The following KIAA2012 variants were observed in gnomAD, a reference collection of about 807,000 sequenced individuals.
KIAA2012 encodes the protein KIAA2012, also known as uncharacterized protein KIAA2012.
A neutral mutation model predicts 150.6 loss-of-function variants in KIAA2012; 125 were observed. The observed-to-expected ratio is 0.83, with a 90% CI of 0.72 to 0.96. The LOEUF is 0.96. Ranked by LOEUF, KIAA2012 falls within the 40% of genes least tolerant of loss-of-function variation. The pLI is 0.00. For synonymous variants in KIAA2012, 462 were observed against 504.7 expected (o/e 0.92, Z 1.13); for missense variants, 1,219 against 1,354.9 (o/e 0.90, Z 1.57).
chr2:202,163,895 A>C (rs1289161689), intron 14 of KIAA2012, among the ~76,000 whole-genome samples: 1 of 149,546 alleles, frequency 6.7e-6, no homozygotes, highest in African/African-American at 2.5e-5. Flanking sequence ...TTTTTATGTC[A>C]GTATATATCA....
In KIAA2012 at chr2:202,075,073, A is replaced by C; in HGVS notation, c.267A>C (p.Arg89Ser). 2 of 1,550,540 alleles carry C rather than the reference A, an allele frequency of 1.3e-6. No individual in the cohort carries two copies. The highest frequency in any genetic ancestry group is 1.7e-6 in the Non-Finnish European group (2 of 1,146,986). ...CGGCATGGACACCCAAAGAGAGGAG[A>C]AAAGGCCCCTACTGCCCCAGAGGTC... is the stretch of plus-strand genomic sequence containing the variant. Reference protein sequence around the residue: ...AISAWTPKERRKGPYCPRGPW... With the variant: ...AISAWTPKERSKGPYCPRGPW... Residue 89 changes from arginine (R) to serine (S), a missense_variant, in exon 2 of 24, where the codon AGA (arginine) becomes AGC (serine). Arg to Ser is a moderately radical substitution (Grantham distance 110). Transcript: ENST00000498697.
intron 13 of KIAA2012, among the ~76,000 whole-genome samples, chr2:202,148,039 G>A (rs115386643): frequency 2.4e-4 from 36 of 152,322 alleles, no homozygotes; most frequent in African/African-American, 8.4e-4. Flanking sequence ...CAGATAAACA[G>A]TGATTCTGTT....
Position 202,146,845 on chromosome 2 carries a change from A to G in KIAA2012, c.1909-7828A>G, listed in dbSNP as rs578198753. On this transcript the variant is annotated intron_variant, in intron 13 of 23. Transcript: ENST00000498697. ...AATCCCAACTTCTTCCTTATAGGCT[A>G]TGTGGCTTTAGGCAGGCTATTTAAC... is the stretch of plus-strand genomic sequence containing the variant. Among the ~76,000 whole-genome samples, 4 of 152,262 alleles carry G rather than the reference A, an allele frequency of 2.6e-5. 1 individual carries two copies. Among genetic ancestry groups the G allele is most frequent in the African/African-American group, 9.6e-5 (4 of 41,562 alleles).
intron 8 of KIAA2012, among the ~76,000 whole-genome samples, chr2:202,103,641 TA>T (rs1690108604): frequency 6.6e-6 from 1 of 152,210 alleles, no homozygotes; most frequent in Admixed American, 6.5e-5. Flanking sequence ...AAAAGAAAGA[TA>T]AAAGTTTATC....
intron 14 of KIAA2012, among the ~76,000 whole-genome samples, chr2:202,161,457 A>G (rs1691655381): frequency 6.6e-6 from 1 of 152,178 alleles, no homozygotes; most frequent in Non-Finnish European, 1.5e-5. Context: ...TAACATGTGC[A>G]ATTTTTCTTA....
chr2:202,123,490 G>A (rs1212639063), intron 11 of KIAA2012, among the ~76,000 whole-genome samples: 1 of 151,994 alleles, frequency 6.6e-6, no homozygotes, highest in Non-Finnish European at 1.5e-5. Context: ...CTCCAGTGTT[G>A]ATGCTCAGAA....
intron 21 of KIAA2012, 130 bp downstream of exon 21, chr2:202,194,492 T>A: frequency 1.2e-6 from 1 of 837,434 alleles, no homozygotes; most frequent in Non-Finnish European, 1.7e-6. Context: ...ATATAAACTA[T>A]TTTTCAAAGT....
At chr2:202,095,874 A>G (rs893752153) in intron 4 of KIAA2012, among the ~76,000 whole-genome samples, 3 of 152,182 alleles carry the variant, frequency 2.0e-5, no homozygotes. Flanking sequence ...ACTTGAGGTC[A>G]GGAGTTAGAG....
chr2:202,113,137 C>G (rs529118938), intron 10 of KIAA2012, among the ~76,000 whole-genome samples, 199 bp from the exon 11 acceptor site: 3 of 152,158 alleles, frequency 2.0e-5, no homozygotes, highest in African/African-American at 7.2e-5. Context: ...CCTTGACCCC[C>G]GGAAGGCAGG....
intron 11 of KIAA2012, among the ~76,000 whole-genome samples, chr2:202,119,957 T>C (rs567726650): frequency 1.3e-5 from 2 of 152,320 alleles, no homozygotes; most frequent in Admixed American, 1.3e-4. Flanking sequence ...TGATAGTGAA[T>C]GAGTCTCAAG....
In KIAA2012 at chr2:202,196,816, G is replaced by A. The variant is rs1313566534; in HGVS notation, c.3204G>A (p.Arg1068=). The A allele has an allele frequency of 7.1e-6, 11 of 1,550,428 alleles. No homozygotes were observed. Among genetic ancestry groups the A allele is most frequent in the Non-Finnish European group, 7.8e-6 (9 of 1,146,988 alleles). The stretch of plus-strand genomic sequence containing the variant: ...ATTCTGCAGAGGCAGAGAAGCAAAG[G>A]CAAGAGGAATTGGAAATGCAGTTAG... The part of the protein sequence containing the change: ...EAERAEAEKQ[R]QEELEMQLEE... Residue 1068 remains arginine (R), a synonymous_variant, in exon 22 of 24, where the codon AGG becomes AGA. Coordinates refer to ENST00000498697, the MANE Select transcript of KIAA2012 (RefSeq NM_001277372.4).
At chr2:202,133,435 T>C (rs566112533) in intron 12 of KIAA2012, among the ~76,000 whole-genome samples, 1 of 152,194 alleles carries the variant, frequency 6.6e-6, no homozygotes, top group Non-Finnish European at 1.5e-5. Flanking sequence ...TTGAGAGAGA[T>C]TGGTATTCCC....
intron 12 of KIAA2012, chr2:202,125,944 T>C: frequency 5.6e-5 from 15 of 265,808 alleles, no homozygotes; most frequent in Non-Finnish European, 7.5e-5. Context: ...GCTTTTTTTT[T>C]TTTTTTTTTT....
chr2:202,163,287 A>G (rs1489736115), intron 14 of KIAA2012, among the ~76,000 whole-genome samples: 1 of 151,800 alleles, frequency 6.6e-6, no homozygotes, highest in South Asian at 2.1e-4. Context: ...TATTTTTAGT[A>G]GATACAGGTT....
At chr2:202,112,419 A>G (rs1690389360) in intron 10 of KIAA2012, among the ~76,000 whole-genome samples, 1 of 152,232 alleles carries the variant, frequency 6.6e-6, no homozygotes, top group South Asian at 2.1e-4. Context: ...TAAATAAGCC[A>G]GAAAATATAA....
intron 20 of KIAA2012, 125 bp downstream of exon 20, chr2:202,193,628 G>A: frequency 2.1e-6 from 2 of 940,548 alleles, no homozygotes; most frequent in Non-Finnish European, 1.6e-6. Flanking sequence ...AATAGCATGT[G>A]TCATTTTTCT....
At chr2:202,192,649 G>A (rs554309096) in intron 19 of KIAA2012, among the ~76,000 whole-genome samples, 2 of 152,038 alleles carry the variant, frequency 1.3e-5, no homozygotes, top group Non-Finnish European at 2.9e-5. Flanking sequence ...TAGAGATAGG[G>A]TGTCTCCATG....
At chr2:202,187,184 C>G in intron 17 of KIAA2012, 86 bp downstream of exon 17, 1 of 1,414,994 alleles carries the variant, frequency 7.1e-7, no homozygotes, top group Non-Finnish European at 9.4e-7. Flanking sequence ...AGATTGCTCA[C>G]TATATGAGGG....
chr2:202,102,500 A>G (rs979747339), intron 7 of KIAA2012, among the ~76,000 whole-genome samples: 2 of 152,210 alleles, frequency 1.3e-5, no homozygotes, highest in Non-Finnish European at 2.9e-5. Context: ...GGCTTAGATA[A>G]GGTCAGCAAT....
Sources: gnomAD v4.1 joint callset for allele counts (sites outside exome capture counted in the v4.1 genomes callset) on GRCh38, gnomAD v4.1.1 for gene constraint, MANE v1.5 for transcripts, NCBI Gene and HGNC (gene_info 2026-07-23, HGNC 2026-07-21) for gene names.